FLI1: variants seen among roughly 807,000 people sequenced by gnomAD.
The protein encoded by FLI1 is Fli-1 proto-oncogene, ETS transcription factor.
FLI1 carries 13 observed loss-of-function variants against 53.1 expected under a neutral mutation model. The observed-to-expected ratio is 0.24, with a 90% CI of 0.16 to 0.39. FLI1 has a LOEUF of 0.39. Ranked by LOEUF, FLI1 falls within the 10% of genes least tolerant of loss-of-function variation. The pLI is 1.00. For missense variants in FLI1, 424 were observed against 600.5 expected, an observed-to-expected ratio of 0.71 and a Z score of 3.07; for synonymous variants, 244 against 236.7, an observed-to-expected ratio of 1.03 and a Z score of -0.28.
rs140314813 is a variant in FLI1, at chr11:128,784,497, C to G, written c.655+2474C>G. On this transcript the variant is annotated intron_variant, in intron 5 of 8. Transcript: ENST00000527786. ...ATTCAGGTGGTGCCGGCATTTATCT[C>G]CCAACATCGGGCCTGGCCTCTAGAG... Among the ~76,000 whole-genome samples, 943 of 152,268 alleles carry G rather than the reference C, an allele frequency of 6.2e-3. 4 individuals carry two copies. Among genetic ancestry groups the G allele is most frequent in the Non-Finnish European group, 0.01 (687 of 68,018 alleles).
Position 128,810,809 on chromosome 11 carries a change from C to T in FLI1, c.1180C>T (p.His394Tyr), listed in dbSNP as rs1942918721. 1 of 1,613,954 alleles carries T rather than the reference C, an allele frequency of 6.2e-7. No individual in the cohort carries two copies. Among genetic ancestry groups the T allele is most frequent in the African/African-American group, 1.3e-5 (1 of 74,948 alleles). ...DISYMPSYHAHQQKVNFVPPH... is the reference protein window; with the variant it reads ...DISYMPSYHAYQQKVNFVPPH... ...CTCCTACATGCCTTCCTACCATGCC[C>T]ACCAGCAGAAGGTGAACTTTGTCCC... The change falls in exon 9 of 9, where the codon CAC becomes TAC. Residue 394 changes from histidine to tyrosine, a missense_variant. Physicochemically the swap from His to Tyr is moderately conservative, Grantham distance 83. Transcript: ENST00000527786. The surrounding 1 kb of genome is among the most constrained non-coding windows in gnomAD (Gnocchi z 6.6).
chr11:128,715,132 G>C (rs74736275), intron 1 of FLI1, among the ~76,000 whole-genome samples: 1,896 of 152,282 alleles, frequency 0.012, 42 homozygotes, highest in African/African-American at 0.043. Flanking sequence ...AAGTTGTGCA[G>C]CTAGCAGGTT....
At chr11:128,737,357 G>A (rs1393339471) in intron 1 of FLI1, among the ~76,000 whole-genome samples, 2 of 152,184 alleles carry the variant, frequency 1.3e-5, no homozygotes, top group Non-Finnish European at 2.9e-5. Flanking sequence ...AGGCTTGAAT[G>A]ATAGACACAT....
intron 2 of FLI1, among the ~76,000 whole-genome samples, chr11:128,759,423 G>A (rs965142211): frequency 6.6e-6 from 1 of 152,186 alleles, no homozygotes; most frequent in South Asian, 2.1e-4. Context: ...GCGCACAGAC[G>A]GTAGGATGGG....
intron 3 of FLI1, among the ~76,000 whole-genome samples, chr11:128,771,598 G>A (rs528360925): frequency 1.3e-5 from 2 of 152,308 alleles, no homozygotes; most frequent in East Asian, 3.9e-4. Flanking sequence ...GAGAGGGTGA[G>A]TTGCTTGAGG....
chr11:128,732,297 A>T (rs1394522956), intron 1 of FLI1, among the ~76,000 whole-genome samples: 1 of 152,228 alleles, frequency 6.6e-6, no homozygotes, highest in Admixed American at 6.5e-5. Flanking sequence ...TGCATCTTAA[A>T]AAAGCTTTTC....
chr11:128,793,353 C>G (rs932229761), intron 5 of FLI1, among the ~76,000 whole-genome samples: 1 of 151,992 alleles, frequency 6.6e-6, no homozygotes, highest in African/African-American at 2.4e-5. Flanking sequence ...GCTGCCCCAC[C>G]CTGCCCCGTG....
chr11:128,775,898 G>T (rs1391948796), intron 4 of FLI1, among the ~76,000 whole-genome samples: 1 of 152,210 alleles, frequency 6.6e-6, no homozygotes, highest in Non-Finnish European at 1.5e-5. Flanking sequence ...GTGAAGGAAA[G>T]TTGATAGAGC....
chr11:128,786,136 C>T (rs769937409), intron 5 of FLI1, among the ~76,000 whole-genome samples: 12 of 152,102 alleles, frequency 7.9e-5, no homozygotes, highest in Admixed American at 1.3e-4. Flanking sequence ...TAGAGCTCTC[C>T]GGGTTATTCA....
chr11:128,692,377 C>A (rs1043906009), upstream of FLI1, among the ~76,000 whole-genome samples: 1 of 152,184 alleles, frequency 6.6e-6, no homozygotes, highest in South Asian at 2.1e-4. Flanking sequence ...CGGAGCAGAC[C>A]CCTGGATTGA....
At position 128,812,281 on chromosome 11, in the gene FLI1, AT is replaced by A; in HGVS notation, c.*1298del. On this transcript the variant is annotated 3_prime_UTR_variant, in exon 9 of 9. Transcript: ENST00000527786. Reference sequence around the variant, plus strand: ...TTTTCCTGCTCTATATAAGCAACATATTTTTAGACATTAAAATATATATAAT... The same window carrying A: ...TTTTCCTGCTCTATATAAGCAACATATTTTAGACATTAAAATATATATAAT... 1 of 218,508 alleles carries A rather than the reference AT, an allele frequency of 4.6e-6. No individual in the cohort carries two copies. Among genetic ancestry groups the A allele is most frequent in the Non-Finnish European group, 9.2e-6 (1 of 108,638 alleles). The allele number at this position is 218,508 out of a possible 1,614,324, so 13.5% of individuals were successfully genotyped here. A position where few individuals can be genotyped will look rare whatever the true frequency, so the allele number is the denominator to read the frequency against.
At chr11:128,719,339 T>G (rs920408657) in intron 1 of FLI1, among the ~76,000 whole-genome samples, 3 of 148,144 alleles carry the variant, frequency 2.0e-5, no homozygotes, top group African/African-American at 7.6e-5. Flanking sequence ...GTGTGTGTAC[T>G]CTTTCTCCCC....
chr11:128,783,348 T>C (rs1416375365), intron 5 of FLI1, among the ~76,000 whole-genome samples: 1 of 152,242 alleles, frequency 6.6e-6, no homozygotes, highest in Non-Finnish European at 1.5e-5. Flanking sequence ...CTGTTAACAA[T>C]TTATAATTTA....
chr11:128,691,101 T>C (rs1422189198), upstream of FLI1, among the ~76,000 whole-genome samples: 2 of 152,232 alleles, frequency 1.3e-5, no homozygotes, highest in South Asian at 2.1e-4. Flanking sequence ...TTTTCATTTG[T>C]AGGCCCTCAC....
intron 3 of FLI1, 166 bp downstream of exon 3, chr11:128,768,438 T>C (rs1459965356): frequency 1.3e-6 from 1 of 751,052 alleles, no homozygotes; most frequent in South Asian, 1.6e-5. Context: ...TCCCAGCACT[T>C]TGAGAGGCCA....
rs1385336385 is a variant in FLI1 at position 128,694,127 on chromosome 11, C to T, written c.-132C>T. ...CACAGGGGAGTGAGGGCAGGGCGCT[C>T]GCAGGGGGCACGCAGGGAGGGCCCA... is the stretch of plus-strand genomic sequence containing the variant. On this transcript the variant is annotated 5_prime_UTR_variant, in exon 1 of 9. Transcript: ENST00000527786. 1 of 916,792 alleles carries T rather than the reference C, an allele frequency of 1.1e-6. No individual in the cohort carries two copies. Among genetic ancestry groups the T allele is most frequent in the South Asian group, 2.1e-5 (1 of 48,030 alleles). The allele number at this position is 916,792 out of a possible 1,614,324, so 56.8% of individuals were successfully genotyped here.
intron 1 of FLI1, among the ~76,000 whole-genome samples, chr11:128,688,246 C>G (rs904602974): frequency 3.3e-5 from 5 of 152,208 alleles, no homozygotes; most frequent in Non-Finnish European, 7.3e-5. Flanking sequence ...GAACCCGACT[C>G]AGGCCACGGG....
intron 5 of FLI1, among the ~76,000 whole-genome samples, chr11:128,792,026 C>A (rs1157764955): frequency 6.6e-6 from 1 of 152,238 alleles, no homozygotes; most frequent in African/African-American, 2.4e-5. Flanking sequence ...TAAGAGCTAA[C>A]ATTTGTTAAG....
At chr11:128,737,097 C>T (rs925952071) in intron 1 of FLI1, among the ~76,000 whole-genome samples, 1 of 152,190 alleles carries the variant, frequency 6.6e-6, no homozygotes, top group Non-Finnish European at 1.5e-5. Context: ...AGATCTAACT[C>T]AAGTGGATAG....
Sources: gnomAD v4.1 joint callset for allele counts (sites outside exome capture counted in the v4.1 genomes callset) on GRCh38, gnomAD v4.1.1 for gene constraint, Gnocchi (gnomAD v3.1) non-coding constraint, MANE v1.5 for transcripts, NCBI Gene and HGNC (gene_info 2026-07-23, HGNC 2026-07-21) for gene names.